The following WDR7 variants were observed in gnomAD, a reference collection of about 807,000 sequenced individuals.
The protein encoded by WDR7 is WD repeat-containing protein 7.
A neutral mutation model predicts 169.4 loss-of-function variants in WDR7; 46 were observed. That is an observed-to-expected ratio of 0.27 (90% CI 0.21 to 0.35). The LOEUF (loss-of-function observed/expected upper bound fraction) is 0.35. Ranked by LOEUF, WDR7 falls within the 10% of genes least tolerant of loss-of-function variation. The pLI, the probability that WDR7 is intolerant of heterozygous loss-of-function variation, is 1.00. For synonymous variants in WDR7, 612 were observed against 666.8 expected (o/e 0.92, Z 1.27); for missense variants, 1,534 against 1,859.3 (o/e 0.83, Z 3.22).
At chr18:56,799,197 T>TGCACC (rs1253009353) in intron 19 of WDR7, among the ~76,000 whole-genome samples, 1 of 152,206 alleles carries the variant, frequency 6.6e-6, no homozygotes, top group Non-Finnish European at 1.5e-5. Context: ...AAATAGAGTA[T>TGCACC]TTGGAGGTGC....
intron 20 of WDR7, among the ~76,000 whole-genome samples, chr18:56,835,301 A>G (rs985843210): frequency 2.6e-5 from 4 of 152,140 alleles, no homozygotes; most frequent in Admixed American, 2.0e-4. Context: ...CATCTTGTTA[A>G]TAATAATACT....
At chr18:56,929,454 GA>G (rs2046851604) in intron 22 of WDR7, among the ~76,000 whole-genome samples, 1 of 152,160 alleles carries the variant, frequency 6.6e-6, no homozygotes, top group Non-Finnish European at 1.5e-5. Flanking sequence ...GGGATTTAAA[GA>G]TTTTCCTTTT....
At chr18:56,694,909 G>A (rs1208744998) in intron 10 of WDR7, 41 bp from the exon 11 acceptor site, 1 of 1,567,752 alleles carries the variant, frequency 6.4e-7, no homozygotes, top group South Asian at 1.2e-5. Context: ...TTTTTAACAT[G>A]CACAAATGTT....
chr18:56,893,169 A>G (rs2046287017), intron 21 of WDR7, among the ~76,000 whole-genome samples: 2 of 149,828 alleles, frequency 1.3e-5, no homozygotes, highest in Non-Finnish European at 3.0e-5. Context: ...CAATTTAATA[A>G]CGGGTCACAT....
At chr18:56,817,748 AT>A (rs200886693) in intron 20 of WDR7, among the ~76,000 whole-genome samples, 8,402 of 143,806 alleles carry the variant, frequency 0.058, 265 homozygotes, top group African/African-American at 0.08. Flanking sequence ...TTCTTTGCAG[AT>A]TTTTTTTTTT....
At chr18:56,830,369 G>C (rs2045287164) in intron 20 of WDR7, among the ~76,000 whole-genome samples, 2 of 152,042 alleles carry the variant, frequency 1.3e-5, no homozygotes. Flanking sequence ...AATTTGGTTT[G>C]GCATTACTCA....
intron 12 of WDR7, among the ~76,000 whole-genome samples, chr18:56,710,812 C>T (rs905894141): frequency 4.9e-4 from 74 of 152,130 alleles, no homozygotes; most frequent in African/African-American, 1.4e-3. Context: ...GTACCTACCT[C>T]GAAGGGTTGT....
At chr18:56,768,914 ATAGT>A (rs757200686) in intron 16 of WDR7, among the ~76,000 whole-genome samples, 2 of 152,204 alleles carry the variant, frequency 1.3e-5, no homozygotes, top group African/African-American at 2.4e-5. Context: ...GAGAATAAAG[ATAGT>A]TAAGATAGTT....
intron 25 of WDR7, among the ~76,000 whole-genome samples, chr18:56,960,341 T>C (rs934730102): frequency 6.6e-6 from 1 of 152,178 alleles, no homozygotes; most frequent in Admixed American, 6.6e-5. Context: ...TAAGATTTTG[T>C]CAACACAAGT....
chr18:56,940,489 G>A lies in WDR7; in HGVS notation c.4064+1096G>A, dbSNP rs558737672. 2.0e-5 allele frequency among the ~76,000 whole-genome samples: 3 copies of A among 152,286 alleles called. No individual in the cohort carries two copies. In the South Asian group the frequency reaches 6.2e-4, roughly 32 times the overall value. ...TACTGTAGCATACCTGTTTACAGAT[G>A]CATATTTTCTTGTGATGGGGTTTGG... On this transcript the variant is annotated intron_variant, in intron 25 of 27. Coordinates refer to ENST00000254442, the MANE Select transcript of WDR7 (RefSeq NM_015285.3).
chr18:57,034,425 C>G (rs943297652), downstream of WDR7: 27 of 152,252 alleles, frequency 1.8e-4, no homozygotes, highest in African/African-American at 5.8e-4. Context: ...GCAGACCTCT[C>G]TCACACATAG....
At chr18:56,922,607 G>T (rs2046742832) in intron 21 of WDR7, among the ~76,000 whole-genome samples, 1 of 152,112 alleles carries the variant, frequency 6.6e-6, no homozygotes. Flanking sequence ...ACAATCCATG[G>T]CCGCCTTGAC....
chr18:56,739,548 A>G (rs1422768242), intron 14 of WDR7, among the ~76,000 whole-genome samples: 1 of 152,026 alleles, frequency 6.6e-6, no homozygotes, highest in African/African-American at 2.4e-5. Context: ...TGTACTTTAC[A>G]TTTTTATGTT....
At chr18:56,788,684 A>G (rs2044440216) in intron 19 of WDR7, among the ~76,000 whole-genome samples, 1 of 152,068 alleles carries the variant, frequency 6.6e-6, no homozygotes. Context: ...AAGAACGGGA[A>G]AGTTACTCAT....
chr18:56,716,744 G>C (rs1186473443), intron 12 of WDR7, among the ~76,000 whole-genome samples: 2 of 152,136 alleles, frequency 1.3e-5, no homozygotes, highest in African/African-American at 4.8e-5. Flanking sequence ...AACAACTTTG[G>C]AGATGAATGG....
chr18:56,858,041 C>G (rs1204780003), intron 20 of WDR7, among the ~76,000 whole-genome samples: 1 of 152,128 alleles, frequency 6.6e-6, no homozygotes, highest in Non-Finnish European at 1.5e-5. Flanking sequence ...TCATTTCCAG[C>G]TTTCTCTCTC....
intron 22 of WDR7, among the ~76,000 whole-genome samples, chr18:56,929,156 G>C (rs945106148): frequency 1.3e-5 from 2 of 151,910 alleles, no homozygotes; most frequent in African/African-American, 4.8e-5. Flanking sequence ...GGAGCATGTA[G>C]TTCCAGCTAC....
chr18:56,926,231 G>A (rs966081850), intron 22 of WDR7, among the ~76,000 whole-genome samples: 2 of 152,160 alleles, frequency 1.3e-5, no homozygotes, highest in African/African-American at 4.8e-5. Context: ...CGAGGCAGCT[G>A]GCCTTTGCAT....
intron 26 of WDR7, among the ~76,000 whole-genome samples, chr18:56,982,409 T>A (rs2145833704): frequency 6.6e-6 from 1 of 152,352 alleles, no homozygotes; most frequent in Admixed American, 6.5e-5. Flanking sequence ...CCACAATTGT[T>A]AGAGGCTTTT....
Sources: allele counts gnomAD v4.1 joint callset (sites outside exome capture counted in the v4.1 genomes callset), GRCh38; gene constraint gnomAD v4.1.1; transcripts MANE v1.5; gene names NCBI Gene and HGNC (gene_info 2026-07-23, HGNC 2026-07-21).